Variants in PIK3C2G observed in about 807,000 individuals in gnomAD.
The protein encoded by PIK3C2G is phosphatidylinositol 3-kinase C2 domain-containing subunit gamma.
Under a neutral mutation model 181.1 loss-of-function variants are expected in PIK3C2G, and 168 were observed. That is an observed-to-expected ratio of 0.93 (90% CI 0.82 to 1.05). The LOEUF is 1.05. PIK3C2G is among the 50% of genes least tolerant of loss of function. The pLI is 0.00. For missense variants in PIK3C2G, 1,869 were observed against 1,732.8 expected, an observed-to-expected ratio of 1.08 and a Z score of -1.40; for synonymous variants, 573 against 592.2, an observed-to-expected ratio of 0.97 and a Z score of 0.47.
intron 25 of PIK3C2G, among the ~76,000 whole-genome samples, chr12:18,539,382 T>G (rs760399084): frequency 2.9e-4 from 44 of 151,890 alleles, no homozygotes; most frequent in Non-Finnish European, 5.2e-4. Context: ...TAACAGATCA[T>G]TAACATAAAG....
At chr12:18,413,953 A>T (rs1232653140) in intron 16 of PIK3C2G, among the ~76,000 whole-genome samples, 2 of 152,172 alleles carry the variant, frequency 1.3e-5, no homozygotes, top group African/African-American at 4.8e-5. Context: ...CAACAACTAT[A>T]TCCCAAAAGA....
At chr12:18,641,743 C>CTTTTTGTTTTTT (rs1949850722) in intron 32 of PIK3C2G, among the ~76,000 whole-genome samples, 1 of 93,164 alleles carries the variant, frequency 1.1e-5, no homozygotes, top group African/African-American at 4.9e-5. Flanking sequence ...CTCTCTCAAG[C>CTTTTTGTTTTTT]TTTTTTTTTT....
rs758221345 is a variant in PIK3C2G at position 18,563,533 on chromosome 12, A to T, written c.3902+35A>T. 3 of 1,603,108 alleles carry T rather than the reference A, an allele frequency of 1.9e-6. No individual in the cohort carries two copies. The African/African-American group carries it at 4.0e-5, about 22-fold the overall frequency. ...TGTCCTTTTACATTGTTTTGCCTTCAGTACTTGTCCTTGAGCAAAAAGAAA... is the reference window on the plus strand; with the variant it reads ...TGTCCTTTTACATTGTTTTGCCTTCTGTACTTGTCCTTGAGCAAAAAGAAA... On this transcript the variant is annotated intron_variant, in intron 28 of 32. Transcript: ENST00000538779.
chr12:18,364,879 C>G (rs1337476382), intron 12 of PIK3C2G, among the ~76,000 whole-genome samples: 2 of 149,930 alleles, frequency 1.3e-5, no homozygotes, highest in Non-Finnish European at 2.9e-5. Context: ...CGGAGCAAGT[C>G]TAAAAACAAA....
chr12:18,422,610 A>G (rs1180934674), intron 17 of PIK3C2G, among the ~76,000 whole-genome samples: 1 of 152,108 alleles, frequency 6.6e-6, no homozygotes, highest in Non-Finnish European at 1.5e-5. Context: ...TGTGGTGTTC[A>G]CCAGAAAAAT....
chr12:18,320,636 G>C (rs569138784), intron 6 of PIK3C2G, among the ~76,000 whole-genome samples: 65 of 152,298 alleles, frequency 4.3e-4, no homozygotes, highest in African/African-American at 1.4e-3. Context: ...AAAACAAAAT[G>C]TGCATGTATG....
chr12:18,456,570 T>C (rs1396387245), intron 18 of PIK3C2G, among the ~76,000 whole-genome samples: 1 of 152,172 alleles, frequency 6.6e-6, no homozygotes, highest in Non-Finnish European at 1.5e-5. Context: ...CCTAATCTTT[T>C]ATTATGCAGA....
At chr12:18,497,178 A>T (rs935348883) in intron 21 of PIK3C2G, among the ~76,000 whole-genome samples, 57 of 152,184 alleles carry the variant, frequency 3.7e-4, no homozygotes, top group Admixed American at 3.6e-3. Context: ...TTATACTCCC[A>T]GTCAAGAAGC....
chr12:18,377,149 T>C (rs1942504047), intron 13 of PIK3C2G, among the ~76,000 whole-genome samples: 1 of 152,136 alleles, frequency 6.6e-6, no homozygotes, highest in Admixed American at 6.5e-5. Flanking sequence ...ACAGATTCTT[T>C]GGCTCCAGGA....
intron 18 of PIK3C2G, among the ~76,000 whole-genome samples, chr12:18,478,227 G>A (rs1034960265): frequency 2.6e-5 from 4 of 152,280 alleles, no homozygotes; most frequent in Non-Finnish European, 5.9e-5. Context: ...AAAATTCCAT[G>A]AGCATGGATT....
chr12:18,641,459 C>T (rs1397529012), intron 32 of PIK3C2G, among the ~76,000 whole-genome samples: 3 of 152,124 alleles, frequency 2.0e-5, no homozygotes, highest in Admixed American at 6.6e-5. Context: ...CTGAAACCTC[C>T]GTTTTGCTTT....
At chr12:18,523,841 C>T (rs962122006) in intron 24 of PIK3C2G, among the ~76,000 whole-genome samples, 9 of 152,200 alleles carry the variant, frequency 5.9e-5, no homozygotes, top group African/African-American at 2.2e-4. Flanking sequence ...TTCGGATACT[C>T]TCTCCATGGG....
chr12:18,250,496 T>A (rs2136949490), intron 1 of PIK3C2G, among the ~76,000 whole-genome samples: 1 of 152,186 alleles, frequency 6.6e-6, no homozygotes, highest in Non-Finnish European at 1.5e-5. Flanking sequence ...AAGCATTTCA[T>A]TTCCAGAAGG....
At chr12:18,498,417 A>G (rs1941182243) in intron 22 of PIK3C2G, among the ~76,000 whole-genome samples, 1 of 152,258 alleles carries the variant, frequency 6.6e-6, no homozygotes, top group South Asian at 2.1e-4. Flanking sequence ...AAGAGACAAC[A>G]ATATCTAAGA....
rs1416407279 is a variant in PIK3C2G at position 18,446,530 on chromosome 12, T to C, written c.2504+22491T>C. Among the ~76,000 whole-genome samples, 3 of 152,112 alleles carry C rather than the reference T, an allele frequency of 2.0e-5. No homozygotes were observed. In the East Asian group the frequency reaches 5.8e-4, roughly 29 times the overall value. ...AGTATCACTGTCACTGGCCCCAATG[T>C]ACCACCCATACCGTGTGATTTTTCT... On this transcript the variant is annotated intron_variant, in intron 18 of 32. Coordinates refer to ENST00000538779, the MANE Select transcript of PIK3C2G (RefSeq NM_001288772.2).
intron 18 of PIK3C2G, 50 bp from the exon 19 acceptor site, chr12:18,488,399 T>TA (rs775452917): frequency 1.7e-5 from 23 of 1,328,956 alleles, no homozygotes; most frequent in Admixed American, 8.5e-5. Context: ...GGATGTGGTT[T>TA]AAAAAATTAG....
At chr12:18,658,813 T>C in the PIK3C2G span, among the ~76,000 whole-genome samples, 3 of 152,174 alleles carry the variant, frequency 2.0e-5, no homozygotes, top group African/African-American at 7.2e-5. Flanking sequence ...TTTACTACAA[T>C]AGAATCTAAT....
chr12:18,455,323 C>T lies in PIK3C2G; in HGVS notation c.2504+31284C>T, dbSNP rs12814397. 2.3e-3 allele frequency among the ~76,000 whole-genome samples: 352 copies of T among 151,642 alleles called. 3 individuals carry two copies. Among genetic ancestry groups the T allele is most frequent in the African/African-American group, 8.2e-3 (339 of 41,328 alleles). On this transcript the variant is annotated intron_variant, in intron 18 of 32. Transcript: ENST00000538779. ...AGCTACATCAGAAGATGCCTCCCACCTAAGGTATGCCAGGAGGTTGGGAAG... is the reference window on the plus strand; with the variant it reads ...AGCTACATCAGAAGATGCCTCCCACTTAAGGTATGCCAGGAGGTTGGGAAG...
chr12:18,535,227 C>A (rs1327403999), intron 24 of PIK3C2G, among the ~76,000 whole-genome samples: 2 of 151,914 alleles, frequency 1.3e-5, no homozygotes, highest in African/African-American at 2.4e-5. Context: ...TATGAAGTTT[C>A]TTTTCATTTA....
Sources: allele counts gnomAD v4.1 joint callset (sites outside exome capture counted in the v4.1 genomes callset), GRCh38; gene constraint gnomAD v4.1.1; transcripts MANE v1.5; gene names NCBI Gene and HGNC (gene_info 2026-07-23, HGNC 2026-07-21).